ADGRA2: variants seen among roughly 807,000 people sequenced by gnomAD.
ADGRA2 encodes adhesion G protein-coupled receptor A2, also known as G-protein coupled receptor 124.
ADGRA2 carries 61 observed loss-of-function variants against 98.7 expected under a neutral mutation model. The ratio of observed to expected loss-of-function variants is 0.62; its 90% CI spans 0.50 to 0.76. ADGRA2 has a LOEUF of 0.76. Ranked by LOEUF, ADGRA2 falls within the 30% of genes least tolerant of loss-of-function variation. The probability of loss-of-function intolerance (pLI) is 0.00; values close to 1 mark genes in which losing one functional copy is unlikely to be tolerated. For synonymous variants in ADGRA2, 858 were observed against 831.5 expected, an observed-to-expected ratio of 1.03 and a Z score of -0.55; for missense variants, 1,712 against 1,860.0, an observed-to-expected ratio of 0.92 and a Z score of 1.46.
intron 2 of ADGRA2, among the ~76,000 whole-genome samples, chr8:37,816,593 A>AACACAC (rs545433349): frequency 0.019 from 2,435 of 131,326 alleles, 36 homozygotes; most frequent in East Asian, 0.051. Context: ...CTCCGTCTCA[A>AACACAC]ACACACACAC....
Position 37,844,633 on chromosome 8 carries a change from G to C in ADGRA2, c.*2278G>C. ...TCTCCAGTGACAGTGGAGACAGGGG[G>C]TACAGGGCAGATCCGCTTCGGGGAC... On this transcript the variant is annotated 3_prime_UTR_variant, in exon 19 of 19. Transcript: ENST00000412232. 1 of 1,614,106 alleles carries C rather than the reference G, an allele frequency of 6.2e-7. No homozygotes were observed. Among genetic ancestry groups the C allele is most frequent in the Non-Finnish European group, 8.5e-7 (1 of 1,180,020 alleles).
In ADGRA2 at chr8:37,830,380, T is replaced by TC. The variant is rs1563348045; in HGVS notation, c.719-326dup. 6.6e-6 allele frequency among the ~76,000 whole-genome samples: 1 copy of TC among 152,198 alleles called. No individual in the cohort carries two copies. The highest frequency in any genetic ancestry group is 2.4e-5 in the African/African-American group (1 of 41,448). ...TGTGCTGGGCGTGTCCTCCAGGGCATCCCCTTTCCCTCGGTGTCCCGGGGT... is the reference window on the plus strand; with the variant it reads ...TGTGCTGGGCGTGTCCTCCAGGGCATCCCCCTTTCCCTCGGTGTCCCGGGGT... On this transcript the variant is annotated intron_variant, in intron 6 of 18. Transcript: ENST00000412232. This position sits in a 1 kb window ranked among gnomAD's most constrained non-coding sequence, Gnocchi z 4.8.
intron 2 of ADGRA2, among the ~76,000 whole-genome samples, chr8:37,817,707 T>G (rs1308124511): frequency 6.7e-6 from 1 of 148,592 alleles, no homozygotes; most frequent in African/African-American, 2.5e-5. Context: ...ACCCTGTCTC[T>G]CTAAATAAAT....
chr8:37,836,800 T>C (rs553103488), intron 13 of ADGRA2, among the ~76,000 whole-genome samples: 1 of 152,340 alleles, frequency 6.6e-6, no homozygotes, highest in East Asian at 1.9e-4. Context: ...GTCCTAGCGA[T>C]GTGGCTGTAC....
Position 37,831,673 on chromosome 8 carries a change from A to G in ADGRA2, c.1097+86A>G. The G allele has an allele frequency of 2.5e-6, 3 of 1,205,820 alleles. No homozygotes were observed. The East Asian group carries it at 7.4e-5, about 30-fold the overall frequency. The allele number at this position is 1,205,820 out of a possible 1,614,324, so 74.7% of individuals were successfully genotyped here. On this transcript the variant is annotated intron_variant, in intron 8 of 18. Transcript: ENST00000412232. ...CATCACAGGTGGCCAGAGTTTCCCC[A>G]TCCGCTGTCTCTGTTGGGTCCTAAA... is the stretch of plus-strand genomic sequence containing the variant.
rs1440739251 is a variant in ADGRA2, at chr8:37,842,217, C to T, written c.3879C>T (p.Arg1293=). 1 of 1,547,208 alleles carries T rather than the reference C, an allele frequency of 6.5e-7. No individual in the cohort carries two copies. Among genetic ancestry groups the T allele is most frequent in the Admixed American group, 2.0e-5 (1 of 50,748 alleles). Residue 1293 remains arginine (R), a synonymous_variant, in exon 19 of 19, where the codon CGC becomes CGT. Transcript: ENST00000412232. ...CGCTGGAGAAGGAGAGCCATCGCCG[C>T]TCGTACCCGCTCAACGCCGCCAGCC... ...GGALEKESHR[R]SYPLNAASLN...
chr8:37,811,134 A>G (rs1265188403), intron 1 of ADGRA2, among the ~76,000 whole-genome samples: 2 of 147,956 alleles, frequency 1.4e-5, no homozygotes, highest in Admixed American at 6.7e-5. Flanking sequence ...AAAAAAAAAA[A>G]AAAAAAGAAC....
chr8:37,822,577 C>T (rs763156798), intron 2 of ADGRA2, among the ~76,000 whole-genome samples: 2 of 152,106 alleles, frequency 1.3e-5, no homozygotes, highest in African/African-American at 2.4e-5. Context: ...TTTCATCATC[C>T]GCAAAAGAAA....
At chr8:37,817,289 G>A (rs376001977) in intron 2 of ADGRA2, among the ~76,000 whole-genome samples, 16 of 152,160 alleles carry the variant, frequency 1.1e-4, no homozygotes, top group African/African-American at 3.4e-4. Context: ...GTAGCAGGGC[G>A]ACCCGGGATG....
chr8:37,831,643 C>G (rs1805458735), intron 8 of ADGRA2, 56 bp downstream of exon 8: 1 of 1,521,446 alleles, frequency 6.6e-7, no homozygotes, highest in Non-Finnish European at 9.1e-7. Context: ...CACCCTTGCA[C>G]CTGACATCAC....
intron 2 of ADGRA2, among the ~76,000 whole-genome samples, chr8:37,816,326 C>T (rs1804980338): frequency 6.6e-6 from 1 of 151,626 alleles, no homozygotes; most frequent in Non-Finnish European, 1.5e-5. Flanking sequence ...GGCGCGGTGG[C>T]TCACACCTAT....
In ADGRA2 at chr8:37,802,333, C is replaced by T. The variant is rs1037557451; in HGVS notation, c.266+4799C>T. On this transcript the variant is annotated intron_variant, in intron 1 of 18. Coordinates refer to ENST00000412232, the MANE Select transcript of ADGRA2 (RefSeq NM_032777.10). This position sits in a 1 kb window ranked among gnomAD's most constrained non-coding sequence, Gnocchi z 4.7. ...CGGGCCCAGGCCGGCGCCTCCACCC[C>T]CTTCTCTTCCACCAGCTTTCCCCCA... 6.6e-6 allele frequency among the ~76,000 whole-genome samples: 1 copy of T among 152,204 alleles called. No individual in the cohort carries two copies. Among genetic ancestry groups the T allele is most frequent in the African/African-American group, 2.4e-5 (1 of 41,448 alleles).
intron 1 of ADGRA2, among the ~76,000 whole-genome samples, chr8:37,798,031 C>T (rs1351961643): frequency 1.3e-5 from 2 of 152,202 alleles, no homozygotes; most frequent in South Asian, 2.1e-4. Flanking sequence ...GTCATCCCAT[C>T]CTTGCCCCCT....
At chr8:37,804,102 C>G (rs56759380) in intron 1 of ADGRA2, among the ~76,000 whole-genome samples, 1,500 of 78,488 alleles carry the variant, frequency 0.019, 33 homozygotes, top group African/African-American at 0.1. Flanking sequence ...CACGGTGAGA[C>G]ACACACACAC....
intron 1 of ADGRA2, among the ~76,000 whole-genome samples, chr8:37,801,075 T>A (rs1267607621): frequency 6.6e-6 from 1 of 152,154 alleles, no homozygotes; most frequent in Middle Eastern, 3.2e-3. Context: ...TCCTGCACTC[T>A]GAGAAAGCCT....
Position 37,840,801 on chromosome 8 carries a change from G to A in ADGRA2, c.2699G>A (p.Gly900Asp). The change falls in exon 18 of 19, where the codon GGC (glycine) becomes GAC (aspartate). Residue 900 changes from glycine (G) to aspartate (D), a missense_variant. Coordinates refer to ENST00000412232, the MANE Select transcript of ADGRA2 (RefSeq NM_032777.10). ...IAGGIPLIIC[G>D]ITAAVNIHNY... ...GGAGGGATTCCACTCATTATCTGTGGCATCACAGCTGCAGTCAACATCCAC... is the reference window on the plus strand; with the variant it reads ...GGAGGGATTCCACTCATTATCTGTGACATCACAGCTGCAGTCAACATCCAC... The A allele has an allele frequency of 1.2e-6, 2 of 1,610,356 alleles. No individual in the cohort carries two copies. The highest frequency in any genetic ancestry group is 1.3e-5 in the African/African-American group (1 of 74,906).
chr8:37,841,401 G>A lies in ADGRA2; in HGVS notation c.3063G>A (p.Ala1021=), dbSNP rs553008011. The A allele has an allele frequency of 3.7e-6, 6 of 1,612,470 alleles. No individual in the cohort carries two copies. The Admixed American group carries it at 8.3e-5, about 22-fold the overall frequency. The change falls in exon 19 of 19, where the codon GCG becomes GCA. Residue 1021 remains alanine (A), a synonymous_variant. Transcript: ENST00000412232. The surrounding 1 kb of genome is among the most constrained non-coding windows in gnomAD (Gnocchi z 5.0). ...SLYSPGVQLG[A]LVTTHFLYLA... ...ATTCTCCGGGAGTCCAGCTAGGGGC[G>A]CTGGTGACCACGCACTTCCTGTACT...
chr8:37,815,367 A>G (rs1238620814), intron 2 of ADGRA2, among the ~76,000 whole-genome samples: 2 of 152,196 alleles, frequency 1.3e-5, no homozygotes, highest in Non-Finnish European at 2.9e-5. Context: ...CTACAAACAA[A>G]TCAACAAACA....
In ADGRA2 at chr8:37,840,156, G is replaced by A. The variant is rs191584202; in HGVS notation, c.2547G>A (p.Thr849=). 21 of 1,609,540 alleles carry A rather than the reference G, an allele frequency of 1.3e-5. No homozygotes were observed. The highest frequency in any genetic ancestry group is 2.7e-5 in the African/African-American group (2 of 75,036). ...GITLHYSSLS[T]LLWMGVKARV... is the part of the protein sequence containing the mutation. ...CCCTGCACTACTCCTCCCTATCCAC[G>A]CTGCTCTGGATGGGCGTGAAGGCGC... is the stretch of plus-strand genomic sequence containing the variant. Residue 849 remains threonine, a synonymous_variant, in exon 17 of 19, where the codon ACG becomes ACA. Transcript: ENST00000412232.
Sources: gnomAD v4.1 joint callset for allele counts (sites outside exome capture counted in the v4.1 genomes callset) on GRCh38, gnomAD v4.1.1 for gene constraint, Gnocchi (gnomAD v3.1) non-coding constraint, MANE v1.5 for transcripts, NCBI Gene and HGNC (gene_info 2026-07-23, HGNC 2026-07-21) for gene names.